Variants in ZNF521 observed in about 807,000 individuals in gnomAD.
The protein encoded by ZNF521 is zinc finger protein 521, also known as LYST-interacting protein 3.
Under a neutral mutation model 105.5 loss-of-function variants are expected in ZNF521, and 14 were observed. The ratio of observed to expected loss-of-function variants is 0.13; its 90% CI spans 0.09 to 0.21. The LOEUF is 0.21. ZNF521 is among the 10% of genes least tolerant of loss of function. ZNF521 has a pLI of 1.00. For missense variants in ZNF521, 1,233 were observed against 1,629.7 expected, an observed-to-expected ratio of 0.76 and a Z score of 4.19; for synonymous variants, 635 against 606.0, an observed-to-expected ratio of 1.05 and a Z score of -0.70.
intron 2 of ZNF521, among the ~76,000 whole-genome samples, chr18:25,329,880 T>G (rs1280203316): frequency 2.2e-5 from 3 of 137,010 alleles, no homozygotes; most frequent in Non-Finnish European, 4.9e-5. Flanking sequence ...AGGAAGTAAG[T>G]AGAAAGTGAA....
intron 5 of ZNF521, among the ~76,000 whole-genome samples, chr18:25,171,694 G>A (rs1474541331): frequency 6.6e-6 from 1 of 152,074 alleles, no homozygotes; most frequent in African/African-American, 2.4e-5. Flanking sequence ...AATCTGCACT[G>A]CACTGTAATA....
intron 5 of ZNF521, among the ~76,000 whole-genome samples, chr18:25,141,872 C>T (rs1046035366): frequency 2.0e-5 from 3 of 152,118 alleles, no homozygotes; most frequent in East Asian, 1.9e-4. Context: ...ATACGACTGT[C>T]GGTGACCAGT....
chr18:25,062,540 G>T lies in ZNF521; in HGVS notation c.*172C>A. The T allele has an allele frequency of 1.2e-6, 1 of 807,562 alleles. No individual in the cohort carries two copies. Among genetic ancestry groups the T allele is most frequent in the Non-Finnish European group, 2.0e-6 (1 of 506,156 alleles). 50.0% of individuals were successfully genotyped at this position (807,562 alleles called of 1,614,324 possible). The stretch of plus-strand genomic sequence containing the variant: ...ACTTTATATACAAGGGGTCTATCCG[G>T]TGCGCAAAAGTTCAAACACATGAAC... On this transcript the variant is annotated 3_prime_UTR_variant, in exon 8 of 8. Transcript: ENST00000361524.
intron 3 of ZNF521, among the ~76,000 whole-genome samples, chr18:25,230,968 C>G (rs1466277381): frequency 6.6e-6 from 1 of 152,172 alleles, no homozygotes; most frequent in Non-Finnish European, 1.5e-5. Flanking sequence ...TGTGAACACT[C>G]CGAGATGAAA....
At chr18:25,113,108 G>A (rs566235635) in intron 5 of ZNF521, among the ~76,000 whole-genome samples, 26 of 151,618 alleles carry the variant, frequency 1.7e-4, no homozygotes, top group South Asian at 4.2e-4. Context: ...AGGCTGGATC[G>A]CACTGGCAAT....
chr18:25,246,691 T>C (rs756566229), intron 3 of ZNF521, among the ~76,000 whole-genome samples: 3 of 152,242 alleles, frequency 2.0e-5, no homozygotes, highest in African/African-American at 7.2e-5. Flanking sequence ...TTTGCTAACA[T>C]TGCTAATATG....
At chr18:25,248,648 C>T (rs1907900101) in intron 3 of ZNF521, among the ~76,000 whole-genome samples, 2 of 152,204 alleles carry the variant, frequency 1.3e-5, no homozygotes, top group Admixed American at 1.3e-4. Flanking sequence ...AACCTTTACA[C>T]ACCTTTCCCA....
At position 25,335,974 on chromosome 18, in the gene ZNF521, G is replaced by C. The variant is rs550919309; in HGVS notation, c.41-13787C>G. The stretch of plus-strand genomic sequence containing the variant: ...GAAAGACTTGAGATTGAACAAGCAA[G>C]GGAAGTTAAGGGGAAATTAAAACAA... On this transcript the variant is annotated intron_variant, in intron 2 of 7. Transcript: ENST00000361524. Among the ~76,000 whole-genome samples the C allele has an allele frequency of 3.3e-5, 5 of 152,222 alleles. No individual in the cohort carries two copies. In the East Asian group the frequency reaches 9.7e-4, roughly 29 times the overall value.
chr18:25,150,897 T>C (rs142371443), intron 5 of ZNF521, among the ~76,000 whole-genome samples: 1,801 of 147,924 alleles, frequency 0.012, 36 homozygotes, highest in African/African-American at 0.042. Flanking sequence ...TTTTCTTTTT[T>C]TTTTTTTTTG....
intron 2 of ZNF521, chr18:25,327,584 C>T (rs1476779675): frequency 1.7e-6 from 1 of 589,926 alleles, no homozygotes; most frequent in Non-Finnish European, 3.0e-6. Flanking sequence ...TACCTTCAGG[C>T]TACAAAGAGT....
rs752967705 is a variant in ZNF521 at position 25,226,687 on chromosome 18, T to G, written c.1231A>C (p.Asn411His). ...AKVTYSCIYC[N>H]KQLFSSLAVL... ...GCAAGACTTGAAAATAATTGTTTGT[T>G]GCAGTAAATACAGCTGTAGGTAACT... The change falls in exon 4 of 8, where the codon AAC (asparagine) becomes CAC (histidine). Residue 411 changes from asparagine (N) to histidine (H), a missense_variant. This residue lies in a region of ZNF521 where 380 missense variants were observed against 478.0 expected (regional missense o/e 0.80). Coordinates refer to ENST00000361524, the MANE Select transcript of ZNF521 (RefSeq NM_015461.3). The surrounding 1 kb of genome is among the most constrained non-coding windows in gnomAD (Gnocchi z 4.1). 1.2e-6 allele frequency: 2 copies of G among 1,614,190 alleles called. No individual in the cohort carries two copies. Among genetic ancestry groups the G allele is most frequent in the Non-Finnish European group, 1.7e-6 (2 of 1,180,030 alleles).
intron 5 of ZNF521, among the ~76,000 whole-genome samples, chr18:25,116,711 A>G (rs1247136676): frequency 1.3e-5 from 2 of 151,864 alleles, no homozygotes. Flanking sequence ...CACAAGATGA[A>G]TTTCCTCCTT....
rs1459437125 is a variant in ZNF521, at chr18:25,089,536, G to A, written c.3835C>T (p.His1279Tyr). 6.2e-7 allele frequency: 1 copy of A among 1,614,108 alleles called. No homozygotes were observed. The highest frequency in any genetic ancestry group is 8.5e-7 in the Non-Finnish European group (1 of 1,180,004). The change falls in exon 7 of 8, where the codon CAT becomes TAT. Residue 1279 changes from histidine to tyrosine, a missense_variant. Physicochemically the swap from His to Tyr is moderately conservative, Grantham distance 83. Around this residue, in one of 6 missense-constraint regions of ZNF521, gnomAD observed 76 missense variants for 137.2 expected, o/e 0.55. Coordinates refer to ENST00000361524, the MANE Select transcript of ZNF521 (RefSeq NM_015461.3). Reference protein sequence around the residue: ...NKLQQHIFSAHGQEDKIYDCT... With the variant: ...NKLQQHIFSAYGQEDKIYDCT... Reference sequence around the variant, plus strand: ...TCATAGATCTTGTCTTCTTGTCCATGGGCAGAGAAAATATGCTGCTGCAAC... The same window carrying A: ...TCATAGATCTTGTCTTCTTGTCCATAGGCAGAGAAAATATGCTGCTGCAAC...
chr18:25,183,749 G>A (rs769427744), intron 5 of ZNF521, among the ~76,000 whole-genome samples: 2 of 152,048 alleles, frequency 1.3e-5, no homozygotes, highest in Admixed American at 6.6e-5. Flanking sequence ...GAAACACTCC[G>A]CAAGCCCATT....
chr18:25,110,302 A>G (rs2034159082), intron 5 of ZNF521, among the ~76,000 whole-genome samples: 1 of 152,200 alleles, frequency 6.6e-6, no homozygotes, highest in Admixed American at 6.5e-5. Flanking sequence ...AGCGGGACTG[A>G]GGAGGTGAGG....
chr18:25,166,069 CAT>C (rs1414762442), intron 5 of ZNF521, among the ~76,000 whole-genome samples: 1 of 152,176 alleles, frequency 6.6e-6, no homozygotes, highest in African/African-American at 2.4e-5. Flanking sequence ...GGTTAGTCCA[CAT>C]ATAACACAAA....
chr18:25,292,153 T>C (rs150354049), intron 3 of ZNF521, among the ~76,000 whole-genome samples: 139 of 152,310 alleles, frequency 9.1e-4, no homozygotes, highest in Non-Finnish European at 1.8e-3. Flanking sequence ...TTGAATAAAG[T>C]CAAATGAGCA....
At chr18:25,179,949 T>C (rs1277857169) in intron 5 of ZNF521, among the ~76,000 whole-genome samples, 1 of 152,172 alleles carries the variant, frequency 6.6e-6, no homozygotes, top group Non-Finnish European at 1.5e-5. Flanking sequence ...TGACAGAAAA[T>C]CTGAATTAGA....
intron 5 of ZNF521, among the ~76,000 whole-genome samples, chr18:25,098,907 C>G (rs1431422631): frequency 6.6e-6 from 1 of 152,138 alleles, no homozygotes; most frequent in Non-Finnish European, 1.5e-5. Context: ...ACATTTGTTT[C>G]CATTTCACAT....
Sources: allele counts gnomAD v4.1 joint callset (sites outside exome capture counted in the v4.1 genomes callset), GRCh38; gene constraint gnomAD v4.1.1; regional missense constraint gnomAD v4.1.1; non-coding constraint Gnocchi (gnomAD v3.1); transcripts MANE v1.5; gene names NCBI Gene and HGNC (gene_info 2026-07-23, HGNC 2026-07-21).